Variants in PHYH observed in about 807,000 individuals in gnomAD.
The protein encoded by PHYH is phytanoyl-CoA dioxygenase, peroxisomal.
In PHYH, 32 loss-of-function variants were observed where a neutral mutation model predicts 38.5. The observed-to-expected ratio is 0.83, with a 90% CI of 0.63 to 1.12. The LOEUF is 1.12. Ranked by LOEUF, PHYH falls within the 50% of genes most tolerant of loss-of-function variation. The pLI, the probability that PHYH is intolerant of heterozygous loss-of-function variation, is 0.00. For missense variants in PHYH, 426 were observed against 434.8 expected (o/e 0.98, Z 0.18); for synonymous variants, 166 against 157.9 (o/e 1.05, Z -0.38).
rs901871864 is a variant in PHYH, at chr10:13,294,737, A to G, written c.246-141T>C. 5.4e-5 allele frequency: 38 copies of G among 700,340 alleles called. No individual in the cohort carries two copies. In the African/African-American group the frequency reaches 6.7e-4, roughly 12 times the overall value. The allele number at this position is 700,340 out of a possible 1,614,324, so 43.4% of individuals were successfully genotyped here. A position where few individuals can be genotyped will look rare whatever the true frequency, so the allele number is the denominator to read the frequency against. On this transcript the variant is annotated intron_variant, in intron 3 of 8. Coordinates refer to ENST00000263038, the MANE Select transcript of PHYH (RefSeq NM_006214.4). The stretch of plus-strand genomic sequence containing the variant: ...CTCCAGCTTGAGGTAGAATAATTCC[A>G]ATGAAAGGGAGGAGAAACTGTCTGG...
intron 7 of PHYH, 61 bp from the exon 8 acceptor site, chr10:13,281,171 C>T: frequency 6.5e-7 from 1 of 1,544,810 alleles, no homozygotes; most frequent in Admixed American, 1.7e-5. Flanking sequence ...AGTGACCAAG[C>T]AGGGAGTCTT....
intron 7 of PHYH, 36 bp downstream of exon 7, chr10:13,283,654 C>T: frequency 6.2e-7 from 1 of 1,608,196 alleles, no homozygotes; most frequent in Non-Finnish European, 8.5e-7. Context: ...TTCTAACCCA[C>T]ACTTCTGCAG....
chr10:13,282,611 A>T (rs1835439459), intron 7 of PHYH, among the ~76,000 whole-genome samples: 1 of 151,632 alleles, frequency 6.6e-6, no homozygotes, highest in South Asian at 2.1e-4. Flanking sequence ...AAAAAAAGAA[A>T]AAAGGAAAAT....
Position 13,291,796 on chromosome 10 carries a change from T to G in PHYH, c.496+35A>C, listed in dbSNP as rs767942372. 6.9e-6 allele frequency: 10 copies of G among 1,458,938 alleles called. No individual in the cohort carries two copies. The Admixed American group carries it at 1.2e-4, about 17-fold the overall frequency. 90.4% of individuals were successfully genotyped at this position (1,458,938 alleles called of 1,614,324 possible). A position where few individuals can be genotyped will look rare whatever the true frequency, so the allele number is the denominator to read the frequency against. Reference sequence around the variant, plus strand: ...ACCCAGCCAACCTTACACATTTTAATGAAACCATTTTTTTTTCTTCTCCCT... The same window carrying G: ...ACCCAGCCAACCTTACACATTTTAAGGAAACCATTTTTTTTTCTTCTCCCT... On this transcript the variant is annotated intron_variant, in intron 5 of 8. Transcript: ENST00000263038.
At chr10:13,298,142 T>G in intron 2 of PHYH, 45 bp downstream of exon 2, 1 of 1,231,578 alleles carries the variant, frequency 8.1e-7, no homozygotes, top group Non-Finnish European at 1.2e-6. Flanking sequence ...TCAAGAAACT[T>G]TTATATACAT....
intron 3 of PHYH, 102 bp from the exon 4 acceptor site, chr10:13,294,698 T>G (rs1588516339): frequency 3.2e-6 from 3 of 933,662 alleles, no homozygotes; most frequent in East Asian, 4.9e-5. Flanking sequence ...GTGGTTTCTC[T>G]GCACTAAGTT....
At chr10:13,285,541 C>A (rs1835526062) in intron 6 of PHYH, among the ~76,000 whole-genome samples, 1 of 152,064 alleles carries the variant, frequency 6.6e-6, no homozygotes, top group Middle Eastern at 3.2e-3. Flanking sequence ...AACTCATTCT[C>A]CCTGCTTTAA....
intron 2 of PHYH, among the ~76,000 whole-genome samples, chr10:13,297,841 T>C (rs1832604663): frequency 6.7e-6 from 1 of 148,660 alleles, no homozygotes. Flanking sequence ...CAGGCTGCAA[T>C]CCCAGCACTT....
At chr10:13,295,327 C>T (rs1659584252) in intron 3 of PHYH, 169 bp downstream of exon 3, 3 of 598,034 alleles carry the variant, frequency 5.0e-6, no homozygotes, top group African/African-American at 1.9e-5. Flanking sequence ...GAACCTTTCT[C>T]TATAAAAAAT....
intron 2 of PHYH, among the ~76,000 whole-genome samples, chr10:13,296,558 A>G (rs2476982): frequency 0.77 from 108,161 of 140,360 alleles, 41,850 homozygotes; most frequent in East Asian, 0.96. Flanking sequence ...GCAAGGCTCC[A>G]TCTCAGAAAA....
At chr10:13,288,299 G>T in intron 6 of PHYH, 61 bp downstream of exon 6, 1 of 1,410,112 alleles carries the variant, frequency 7.1e-7, no homozygotes, top group Non-Finnish European at 1.0e-6. Context: ...TAGAGGTACT[G>T]ATGTGAAACA....
Position 13,291,843 on chromosome 10 carries a change from G to A in PHYH, c.484C>T (p.Pro162Ser). ...CCCTTACAATTACCAGAATCTGGAG[G>A]TTTGTTTATCAACATTGTGTGCATG... ...MAMHTMLINK[P>S]PDSGKKTSRH... Residue 162 changes from proline (P) to serine (S), a missense_variant, in exon 5 of 9, where the codon CCT becomes TCT. Pro to Ser is a moderately conservative substitution (Grantham distance 74). Transcript: ENST00000263038. 2 of 1,606,136 alleles carry A rather than the reference G, an allele frequency of 1.2e-6. No homozygotes were observed. Among genetic ancestry groups the A allele is most frequent in the Non-Finnish European group, 1.7e-6 (2 of 1,173,652 alleles).
intron 5 of PHYH, among the ~76,000 whole-genome samples, chr10:13,290,379 T>A (rs9732266): frequency 0.27 from 40,754 of 151,980 alleles, 5,545 homozygotes; most frequent in South Asian, 0.35. Context: ...GGAGTGCCCA[T>A]GACCACACTG....
chr10:13,278,545 T>A (rs1242843605), intron 8 of PHYH, among the ~76,000 whole-genome samples, 191 bp from the exon 9 acceptor site: 3 of 152,316 alleles, frequency 2.0e-5, no homozygotes, highest in South Asian at 2.1e-4. Flanking sequence ...AACTCTTTTT[T>A]AAAAATTTTT....
At chr10:13,291,442 T>C (rs1387725315) in intron 5 of PHYH, 1 of 222,692 alleles carries the variant, frequency 4.5e-6, no homozygotes, top group Non-Finnish European at 9.0e-6. Flanking sequence ...GTACACATGA[T>C]TACAGTTAGA....
At chr10:13,285,484 G>A (rs777026860) in intron 6 of PHYH, among the ~76,000 whole-genome samples, 2 of 151,976 alleles carry the variant, frequency 1.3e-5, no homozygotes, top group Non-Finnish European at 2.9e-5. Context: ...GTGTCCAGAC[G>A]AGTTAGGAGT....
chr10:13,296,336 G>T (rs1335112677), intron 2 of PHYH, among the ~76,000 whole-genome samples: 1 of 151,286 alleles, frequency 6.6e-6, no homozygotes, highest in South Asian at 2.1e-4. Context: ...CAGCTTTTTG[G>T]GAGGCTGAGG....
chr10:13,294,127 G>A (rs1835779766), intron 4 of PHYH, among the ~76,000 whole-genome samples: 1 of 152,102 alleles, frequency 6.6e-6, no homozygotes, highest in Admixed American at 6.6e-5. Context: ...ACTTGAACCT[G>A]GGAGGAAGAG....
chr10:13,296,013 C>T (rs1405821022), intron 2 of PHYH, among the ~76,000 whole-genome samples: 1 of 151,664 alleles, frequency 6.6e-6, no homozygotes, highest in Non-Finnish European at 1.5e-5. Context: ...ACTGAAAACA[C>T]AAAGTTTAGC....
Sources: allele counts gnomAD v4.1 joint callset (sites outside exome capture counted in the v4.1 genomes callset), GRCh38; gene constraint gnomAD v4.1.1; transcripts MANE v1.5; gene names NCBI Gene and HGNC (gene_info 2026-07-23, HGNC 2026-07-21).